Variants in PLEKHG7 observed in about 807,000 individuals in gnomAD.
PLEKHG7 encodes the protein pleckstrin homology and RhoGEF domain containing G7, also known as pleckstrin homology domain-containing family G member 7.
PLEKHG7 carries 77 observed loss-of-function variants against 85.2 expected under a neutral mutation model. The ratio of observed to expected loss-of-function variants is 0.90; its 90% CI spans 0.75 to 1.09. The LOEUF (loss-of-function observed/expected upper bound fraction) is 1.09, where lower values mean the gene tolerates loss of function less well. PLEKHG7 is among the 50% of genes least tolerant of loss of function. The pLI is 0.00. For synonymous variants in PLEKHG7, 301 were observed against 302.4 expected (o/e 1.00, Z 0.05); for missense variants, 777 against 804.3 (o/e 0.97, Z 0.41).
At chr12:92,710,558 T>C (rs1871349541) in intron 3 of PLEKHG7, among the ~76,000 whole-genome samples, 2 of 152,176 alleles carry the variant, frequency 1.3e-5, no homozygotes. Flanking sequence ...TAAGTATCTA[T>C]CCCAGTGAGG....
intron 13 of PLEKHG7, among the ~76,000 whole-genome samples, chr12:92,757,974 A>T (rs960090238): frequency 2.6e-5 from 4 of 152,086 alleles, no homozygotes; most frequent in Non-Finnish European, 5.9e-5. Context: ...AGGTGAGAAG[A>T]CTCGGGGCCT....
Position 92,719,222 on chromosome 12 carries a change from T to C in PLEKHG7, c.531-9771T>C, listed in dbSNP as rs563038354. On this transcript the variant is annotated intron_variant, in intron 3 of 16. Coordinates refer to ENST00000344636, the MANE Select transcript of PLEKHG7 (RefSeq NM_001377329.1). ...TGTAGTTCAATAATTGGCAGTACAGTTGTCATTTCTCTTTTGATTATTTTA... is the reference window on the plus strand; with the variant it reads ...TGTAGTTCAATAATTGGCAGTACAGCTGTCATTTCTCTTTTGATTATTTTA... Among the ~76,000 whole-genome samples the C allele has an allele frequency of 2.6e-5, 4 of 152,350 alleles. No homozygotes were observed. The South Asian group carries it at 8.3e-4, about 32-fold the overall frequency.
At chr12:92,767,222 C>T (rs1011563966) in intron 15 of PLEKHG7, among the ~76,000 whole-genome samples, 1 of 152,082 alleles carries the variant, frequency 6.6e-6, no homozygotes, top group Non-Finnish European at 1.5e-5. Context: ...ATTAGAATGT[C>T]AGTAAAAAAA....
At chr12:92,734,977 G>A (rs1382830755) in intron 5 of PLEKHG7, among the ~76,000 whole-genome samples, 3 of 152,152 alleles carry the variant, frequency 2.0e-5, no homozygotes, top group African/African-American at 4.8e-5. Flanking sequence ...TGGGTGTGTC[G>A]TTTTCAAGAG....
intron 5 of PLEKHG7, among the ~76,000 whole-genome samples, 200 bp downstream of exon 5, chr12:92,732,473 C>T (rs1252237997): frequency 8.5e-5 from 13 of 152,162 alleles, no homozygotes; most frequent in Non-Finnish European, 1.5e-5. Flanking sequence ...CGAAACAGTG[C>T]TAATTGCCAG....
At chr12:92,707,495 G>A (rs2136568273) in intron 2 of PLEKHG7, 155 bp from the exon 3 acceptor site, 2 of 1,460,390 alleles carry the variant, frequency 1.4e-6, no homozygotes, top group Non-Finnish European at 1.8e-6. Flanking sequence ...TTTAAAAGGG[G>A]AGAAAGAGCC....
intron 13 of PLEKHG7, 97 bp from the exon 14 acceptor site, chr12:92,761,638 GAAAGAAAGAAAGAAAGA>G (rs1565797551): frequency 5.8e-6 from 3 of 519,426 alleles, no homozygotes; most frequent in Non-Finnish European, 7.9e-6. Context: ...AAGAAAGAAA[GAAAGAAAGAAAGAAAGA>G]AAGAAAGAAA....
chr12:92,705,550 C>T (rs529582271), intron 1 of PLEKHG7, among the ~76,000 whole-genome samples: 9 of 152,308 alleles, frequency 5.9e-5, no homozygotes, highest in African/African-American at 1.2e-4. Context: ...TTGGAATATA[C>T]GGTCAACTAC....
chr12:92,736,923 G>A lies in PLEKHG7; in HGVS notation c.795+346G>A, dbSNP rs568989941. Among the ~76,000 whole-genome samples, 3 of 152,178 alleles carry A rather than the reference G, an allele frequency of 2.0e-5. No homozygotes were observed. In the South Asian group the frequency reaches 6.2e-4, roughly 32 times the overall value. The stretch of plus-strand genomic sequence containing the variant: ...GTTTTTGATAAGACAATTTCTAAAG[G>A]TCTCTTTGCACTCTAAAGCTCTCAC... On this transcript the variant is annotated intron_variant, in intron 6 of 16. Transcript: ENST00000344636.
At chr12:92,767,447 T>C (rs1873235002) in intron 15 of PLEKHG7, among the ~76,000 whole-genome samples, 1 of 151,564 alleles carries the variant, frequency 6.6e-6, no homozygotes, top group Non-Finnish European at 1.5e-5. Flanking sequence ...AAGCCTCACT[T>C]GCTACAGGGA....
Position 92,770,427 on chromosome 12 carries a change from C to T in PLEKHG7, c.*232C>T, listed in dbSNP as rs1873375735. The T allele has an allele frequency of 2.3e-6, 1 of 428,808 alleles. No individual in the cohort carries two copies. Among genetic ancestry groups the T allele is most frequent in the African/African-American group, 2.1e-5 (1 of 47,496 alleles). 26.6% of individuals were successfully genotyped at this position (428,808 alleles called of 1,614,324 possible). On this transcript the variant is annotated 3_prime_UTR_variant, in exon 17 of 17. Transcript: ENST00000344636. ...CAAATATATACTGACATCCAGATTA[C>T]CTTCTAATGCTTCCGTCAGGTTTGT... is the stretch of plus-strand genomic sequence containing the variant.
intron 3 of PLEKHG7, among the ~76,000 whole-genome samples, chr12:92,715,603 C>A (rs1400312037): frequency 6.6e-6 from 1 of 151,882 alleles, no homozygotes; most frequent in Non-Finnish European, 1.5e-5. Flanking sequence ...GTTCAAAGAG[C>A]CCACTTCCTT....
intron 3 of PLEKHG7, among the ~76,000 whole-genome samples, chr12:92,711,360 G>A (rs1871364333): frequency 6.6e-6 from 1 of 152,124 alleles, no homozygotes; most frequent in South Asian, 2.1e-4. Flanking sequence ...GAGAAGGCAG[G>A]GTGGCAGGAG....
chr12:92,742,497 T>C (rs1291740619), intron 9 of PLEKHG7, among the ~76,000 whole-genome samples: 1 of 152,128 alleles, frequency 6.6e-6, no homozygotes, highest in Non-Finnish European at 1.5e-5. Context: ...AAGGAAGAGT[T>C]TTAACAAGGC....
chr12:92,744,525 T>C (rs909452082), intron 9 of PLEKHG7, among the ~76,000 whole-genome samples: 2 of 152,080 alleles, frequency 1.3e-5, no homozygotes, highest in Admixed American at 1.3e-4. Context: ...GGCTTACAAA[T>C]GTGTAGTCAT....
chr12:92,753,268 CA>C (rs1283995263), intron 10 of PLEKHG7, among the ~76,000 whole-genome samples: 1 of 152,098 alleles, frequency 6.6e-6, no homozygotes, highest in Non-Finnish European at 1.5e-5. Context: ...GGCCAGCAAC[CA>C]CGTCCATGCC....
Position 92,772,226 on chromosome 12 carries a change from C to A in PLEKHG7, c.*2031C>A, listed in dbSNP as rs1419144776. On this transcript the variant is annotated 3_prime_UTR_variant, in exon 17 of 17. Transcript: ENST00000344636. The stretch of plus-strand genomic sequence containing the variant: ...TAAATGGTCATCTGGGTATTAAATG[C>A]AGACACACAATGAAATAAGGGGTTA... 4 of 151,580 alleles carry A rather than the reference C, an allele frequency of 2.6e-5. No homozygotes were observed. Among genetic ancestry groups the A allele is most frequent in the African/African-American group, 9.7e-5 (4 of 41,306 alleles). The allele number at this position is 151,580 out of a possible 1,614,324, so 9.4% of individuals were successfully genotyped here.
At chr12:92,753,338 A>C (rs1872742782) in intron 10 of PLEKHG7, among the ~76,000 whole-genome samples, 1 of 152,174 alleles carries the variant, frequency 6.6e-6, no homozygotes, top group Non-Finnish European at 1.5e-5. Flanking sequence ...TCACATTCAA[A>C]GAAACAGCAC....
At chr12:92,706,396 A>C (rs1871228336) in intron 1 of PLEKHG7, 75 bp from the exon 2 acceptor site, 1 of 468,814 alleles carries the variant, frequency 2.1e-6, no homozygotes, top group Admixed American at 3.9e-5. Flanking sequence ...TTTCCTTTGA[A>C]ATTTTAGACC....
Sources: allele counts gnomAD v4.1 joint callset (sites outside exome capture counted in the v4.1 genomes callset), GRCh38; gene constraint gnomAD v4.1.1; transcripts MANE v1.5; gene names NCBI Gene and HGNC (gene_info 2026-07-23, HGNC 2026-07-21).